KCNIP4: variants seen among roughly 807,000 people sequenced by gnomAD.
The protein encoded by KCNIP4 is potassium voltage-gated channel interacting protein 4, also known as Kv channel-interacting protein 4.
Under a neutral mutation model 34.0 loss-of-function variants are expected in KCNIP4, and 12 were observed. That is an observed-to-expected ratio of 0.35 (90% CI 0.23 to 0.57). The LOEUF is 0.57. Among genes scored for constraint, KCNIP4 ranks in the 20% least tolerant of loss-of-function variants. KCNIP4 has a pLI of 0.83. For synonymous variants in KCNIP4, 124 were observed against 102.2 expected (o/e 1.21, Z -1.29); for missense variants, 238 against 311.7 (o/e 0.76, Z 1.78).
chr4:21,320,445 T>C (rs1428045979), intron 1 of KCNIP4, among the ~76,000 whole-genome samples: 1 of 152,160 alleles, frequency 6.6e-6, no homozygotes, highest in Non-Finnish European at 1.5e-5. Context: ...TGTATAATCA[T>C]TCTATTGCTA....
At chr4:20,737,419 A>G (rs555333520) in intron 5 of KCNIP4, among the ~76,000 whole-genome samples, 2 of 152,184 alleles carry the variant, frequency 1.3e-5, no homozygotes, top group African/African-American at 4.8e-5. Flanking sequence ...TGAATACTGA[A>G]GAGAAGAATC....
chr4:21,717,695 T>A (rs1402450093), intron 1 of KCNIP4, among the ~76,000 whole-genome samples: 1 of 152,204 alleles, frequency 6.6e-6, no homozygotes, highest in African/African-American at 2.4e-5. Context: ...GATCAGACTT[T>A]GCACATATTA....
intron 1 of KCNIP4, among the ~76,000 whole-genome samples, chr4:21,194,060 T>C (rs559784072): frequency 7.2e-5 from 11 of 152,196 alleles, no homozygotes; most frequent in Non-Finnish European, 1.5e-4. Context: ...TCAAAGATTA[T>C]GAACAATAGA....
intron 1 of KCNIP4, among the ~76,000 whole-genome samples, chr4:21,931,315 C>T (rs546865664): frequency 4.6e-5 from 7 of 150,862 alleles, no homozygotes; most frequent in Admixed American, 6.6e-5. Flanking sequence ...ATGTGTACAA[C>T]GTGCAGGTTT....
chr4:21,669,347 C>T (rs35630748), intron 1 of KCNIP4, among the ~76,000 whole-genome samples: 38,275 of 152,128 alleles, frequency 0.25, 5,167 homozygotes, highest in Non-Finnish European at 0.3. Flanking sequence ...AATCCTCTGG[C>T]CTTGGCCTCC....
intron 1 of KCNIP4, among the ~76,000 whole-genome samples, chr4:21,059,357 C>T (rs1743709714): frequency 6.6e-6 from 1 of 152,124 alleles, no homozygotes; most frequent in Non-Finnish European, 1.5e-5. Flanking sequence ...TCATTAGCGC[C>T]AACTATTCAA....
At chr4:21,094,377 C>A (rs1310211997) in intron 1 of KCNIP4, among the ~76,000 whole-genome samples, 1 of 152,122 alleles carries the variant, frequency 6.6e-6, no homozygotes, top group African/African-American at 2.4e-5. Flanking sequence ...ATGTTAAGAT[C>A]TGAATTGTAC....
intron 1 of KCNIP4, among the ~76,000 whole-genome samples, chr4:21,129,801 A>G (rs1406606298): frequency 6.6e-6 from 1 of 152,090 alleles, no homozygotes; most frequent in Non-Finnish European, 1.5e-5. Context: ...TAAGTTTGCT[A>G]TTTAAAATGT....
chr4:21,731,011 G>C (rs919810258), intron 1 of KCNIP4, among the ~76,000 whole-genome samples: 8 of 151,774 alleles, frequency 5.3e-5, no homozygotes. Flanking sequence ...TTTCTTGGGA[G>C]GCTAAGGTTG....
intron 1 of KCNIP4, among the ~76,000 whole-genome samples, chr4:21,183,474 T>TG (rs3080810): frequency 7.6e-5 from 10 of 130,992 alleles, no homozygotes; most frequent in South Asian, 5.8e-4. Flanking sequence ...TTTTTGTTTT[T>TG]TTTTTTTTTG....
intron 1 of KCNIP4, among the ~76,000 whole-genome samples, chr4:21,722,503 A>T (rs1463552046): frequency 6.6e-6 from 1 of 152,158 alleles, no homozygotes; most frequent in Non-Finnish European, 1.5e-5. Flanking sequence ...CAAGGAGAGA[A>T]AATGACATTG....
At chr4:20,816,214 C>T (rs1187440230) in intron 3 of KCNIP4, among the ~76,000 whole-genome samples, 5 of 151,140 alleles carry the variant, frequency 3.3e-5, no homozygotes, top group Admixed American at 6.6e-5. Context: ...AGATTGCACC[C>T]CTGCACTCCA....
chr4:20,949,158 G>A (rs911222144), intron 1 of KCNIP4, among the ~76,000 whole-genome samples: 3 of 152,138 alleles, frequency 2.0e-5, no homozygotes, highest in African/African-American at 4.8e-5. Context: ...GCGACTGCTC[G>A]CATGAGAGGG....
intron 1 of KCNIP4, among the ~76,000 whole-genome samples, chr4:21,385,114 C>A (rs1478469151): frequency 1.3e-5 from 2 of 152,176 alleles, no homozygotes; most frequent in East Asian, 1.9e-4. Context: ...AGTACTGCCA[C>A]AAAGGCACAT....
At chr4:21,225,485 G>C (rs1452607273) in intron 1 of KCNIP4, among the ~76,000 whole-genome samples, 1 of 152,090 alleles carries the variant, frequency 6.6e-6, no homozygotes, top group Non-Finnish European at 1.5e-5. Context: ...CAATATAGTT[G>C]TGATTATAAC....
At chr4:21,589,105 CAGTT>C (rs538335544) in intron 1 of KCNIP4, among the ~76,000 whole-genome samples, 153 of 137,854 alleles carry the variant, frequency 1.1e-3, no homozygotes, top group African/African-American at 3.9e-3. Flanking sequence ...TCTAAGTAAT[CAGTT>C]AGGATATCCT....
chr4:21,304,970 TAAA>T (rs11321134), intron 1 of KCNIP4, among the ~76,000 whole-genome samples: 4 of 149,738 alleles, frequency 2.7e-5, no homozygotes, highest in South Asian at 2.1e-4. Flanking sequence ...AGTTTGAGAA[TAAA>T]AAAAAAAAAT....
At chr4:21,913,443 G>C (rs1728454301) in intron 1 of KCNIP4, among the ~76,000 whole-genome samples, 1 of 151,396 alleles carries the variant, frequency 6.6e-6, no homozygotes, top group Non-Finnish European at 1.5e-5. Context: ...TCCCCACCAT[G>C]AGGGGAGCCA....
intron 1 of KCNIP4, among the ~76,000 whole-genome samples, chr4:21,589,713 C>T (rs1015822222): frequency 6.6e-6 from 1 of 151,914 alleles, no homozygotes; most frequent in Admixed American, 6.6e-5. Flanking sequence ...TCATGACACT[C>T]TTCACAAGTG....
Sources: gnomAD v4.1 joint callset for allele counts (sites outside exome capture counted in the v4.1 genomes callset) on GRCh38, gnomAD v4.1.1 for gene constraint, MANE v1.5 for transcripts, NCBI Gene and HGNC (gene_info 2026-07-23, HGNC 2026-07-21) for gene names.